CSMD1: variants seen among roughly 807,000 people sequenced by gnomAD.
The protein encoded by CSMD1 is CUB and Sushi multiple domains 1.
CSMD1 carries 213 observed loss-of-function variants against 417.5 expected under a neutral mutation model. The ratio of observed to expected loss-of-function variants is 0.51; its 90% CI spans 0.46 to 0.57. CSMD1 has a LOEUF of 0.57. CSMD1 is among the 20% of genes least tolerant of loss of function. The pLI is 0.00. For synonymous variants in CSMD1, 2,862 were observed against 1,736.8 expected (o/e 1.65, Z -16.11); for missense variants, 6,923 against 4,529.7 (o/e 1.53, Z -15.17).
At chr8:3,938,506 C>A (rs184686713) in intron 5 of CSMD1, among the ~76,000 whole-genome samples, 1 of 152,072 alleles carries the variant, frequency 6.6e-6, no homozygotes, top group Non-Finnish European at 1.5e-5. Flanking sequence ...AAGGTTTCCT[C>A]GGCAACAATG....
intron 12 of CSMD1, among the ~76,000 whole-genome samples, chr8:3,467,179 T>C (rs1365044088): frequency 6.6e-6 from 1 of 152,208 alleles, no homozygotes. Context: ...TGTTTACCTT[T>C]TATTGGGACT....
intron 2 of CSMD1, among the ~76,000 whole-genome samples, chr8:4,630,144 A>T (rs1165899534): frequency 1.3e-5 from 2 of 152,158 alleles, no homozygotes; most frequent in Admixed American, 6.5e-5. Context: ...TGCCTGTCAA[A>T]ACTTCCTCAT....
chr8:4,327,623 C>A (rs1202852811), intron 3 of CSMD1, among the ~76,000 whole-genome samples: 4 of 151,978 alleles, frequency 2.6e-5, no homozygotes, highest in African/African-American at 9.7e-5. Flanking sequence ...GAAAAAGCCC[C>A]CAAAAACAAC....
chr8:4,136,785 G>A (rs1803464830), intron 3 of CSMD1, among the ~76,000 whole-genome samples: 1 of 152,144 alleles, frequency 6.6e-6, no homozygotes, highest in South Asian at 2.1e-4. Flanking sequence ...TTAGTTTGTT[G>A]GACTCAATAA....
intron 1 of CSMD1, among the ~76,000 whole-genome samples, chr8:4,892,410 G>T (rs866119715): frequency 6.6e-6 from 1 of 151,990 alleles, no homozygotes; most frequent in Non-Finnish European, 1.5e-5. Flanking sequence ...ACAGCCCTGC[G>T]TCCTGTGTCC....
At chr8:4,035,329 C>A (rs1013431293) in intron 3 of CSMD1, among the ~76,000 whole-genome samples, 1 of 152,140 alleles carries the variant, frequency 6.6e-6, no homozygotes, top group East Asian at 1.9e-4. Flanking sequence ...GAACAACTGT[C>A]ACTGGTTTTT....
intron 1 of CSMD1, among the ~76,000 whole-genome samples, chr8:4,734,705 A>G (rs1189384521): frequency 1.3e-5 from 2 of 152,206 alleles, no homozygotes; most frequent in African/African-American, 4.8e-5. Flanking sequence ...CGTTCAAGCA[A>G]AAGATACATC....
intron 3 of CSMD1, among the ~76,000 whole-genome samples, chr8:4,235,130 A>C (rs1181170782): frequency 6.6e-6 from 1 of 152,098 alleles, no homozygotes; most frequent in Non-Finnish European, 1.5e-5. Flanking sequence ...TCCTAGAAAA[A>C]AGACTTCCTC....
intron 3 of CSMD1, among the ~76,000 whole-genome samples, chr8:4,371,488 G>C (rs1414768385): frequency 6.6e-6 from 1 of 152,132 alleles, no homozygotes; most frequent in Admixed American, 6.5e-5. Context: ...ATAAACCTAA[G>C]GCTTCAATAT....
intron 1 of CSMD1, among the ~76,000 whole-genome samples, chr8:4,722,101 A>G (rs1809097383): frequency 6.6e-6 from 1 of 152,134 alleles, no homozygotes; most frequent in Non-Finnish European, 1.5e-5. Context: ...TATAGCATGA[A>G]AACTATAGGT....
chr8:4,421,196 C>T (rs1049075422), intron 2 of CSMD1, among the ~76,000 whole-genome samples: 11 of 151,996 alleles, frequency 7.2e-5, no homozygotes, highest in Admixed American at 3.9e-4. Flanking sequence ...TGTTAGCGAA[C>T]GCAATACAGA....
intron 10 of CSMD1, among the ~76,000 whole-genome samples, chr8:3,549,763 G>C (rs181391076): frequency 1.3e-5 from 2 of 152,156 alleles, no homozygotes; most frequent in East Asian, 3.9e-4. Flanking sequence ...ACAGTTCCTT[G>C]ACTTTGAGTT....
chr8:4,108,505 C>T (rs1185162917), intron 3 of CSMD1, among the ~76,000 whole-genome samples: 4 of 152,274 alleles, frequency 2.6e-5, no homozygotes, highest in Non-Finnish European at 5.9e-5. Flanking sequence ...CTTATAAATG[C>T]AGTTTTAATT....
chr8:4,427,531 A>T (rs1797633468), intron 2 of CSMD1, among the ~76,000 whole-genome samples: 2 of 152,002 alleles, frequency 1.3e-5, no homozygotes, highest in African/African-American at 2.4e-5. Context: ...TCAAACACAC[A>T]CAGTGAATCA....
intron 5 of CSMD1, among the ~76,000 whole-genome samples, chr8:3,902,380 G>A (rs1037334861): frequency 2.6e-5 from 4 of 152,038 alleles, no homozygotes; most frequent in Non-Finnish European, 5.9e-5. Flanking sequence ...GTGATCTGAG[G>A]CAAATTGTTG....
intron 10 of CSMD1, among the ~76,000 whole-genome samples, chr8:3,572,336 C>G (rs1054382744): frequency 6.6e-6 from 1 of 152,126 alleles, no homozygotes; most frequent in Non-Finnish European, 1.5e-5. Context: ...AGGGCTGAGG[C>G]TCTGCCACTG....
At chr8:4,216,724 C>T (rs1006151006) in intron 3 of CSMD1, among the ~76,000 whole-genome samples, 5 of 152,018 alleles carry the variant, frequency 3.3e-5, no homozygotes, top group South Asian at 2.1e-4. Flanking sequence ...GGGGTATAAA[C>T]GAATGGAGAT....
intron 3 of CSMD1, among the ~76,000 whole-genome samples, chr8:4,041,898 G>T (rs1472880459): frequency 6.6e-6 from 1 of 152,108 alleles, no homozygotes; most frequent in Non-Finnish European, 1.5e-5. Flanking sequence ...AGGTAGAATA[G>T]ATATAGCAGA....
At chr8:3,331,269 A>T (rs1429778081) in intron 23 of CSMD1, among the ~76,000 whole-genome samples, 2 of 151,792 alleles carry the variant, frequency 1.3e-5, no homozygotes, top group African/African-American at 4.8e-5. Context: ...CAACTTCCCT[A>T]TTTAGATTCT....
Sources: gnomAD v4.1 joint callset for allele counts (sites outside exome capture counted in the v4.1 genomes callset) on GRCh38, gnomAD v4.1.1 for gene constraint, MANE v1.5 for transcripts, NCBI Gene and HGNC (gene_info 2026-07-23, HGNC 2026-07-21) for gene names.